PDE3B: variants seen among roughly 807,000 people sequenced by gnomAD.
PDE3B encodes phosphodiesterase 3B.
A neutral mutation model predicts 116.8 loss-of-function variants in PDE3B; 66 were observed. That is an observed-to-expected ratio of 0.56 (90% CI 0.46 to 0.69). PDE3B has a LOEUF of 0.69. Among genes scored for constraint, PDE3B ranks in the 30% least tolerant of loss-of-function variants. The pLI is 0.00. For synonymous variants in PDE3B, 595 were observed against 533.6 expected (o/e 1.12, Z -1.59); for missense variants, 1,384 against 1,368.1 (o/e 1.01, Z -0.18).
chr11:14,656,317 C>T (rs1853716000), intron 1 of PDE3B, among the ~76,000 whole-genome samples: 1 of 152,170 alleles, frequency 6.6e-6, no homozygotes, highest in Non-Finnish European at 1.5e-5. Flanking sequence ...GGGATGTAAA[C>T]TCCCTGAGTG....
intron 11 of PDE3B, among the ~76,000 whole-genome samples, chr11:14,836,285 T>C (rs1413805386): frequency 1.3e-5 from 2 of 152,184 alleles, no homozygotes; most frequent in Non-Finnish European, 2.9e-5. Context: ...TTTCACAGTT[T>C]TTGCTGACAA....
At chr11:14,718,034 T>A (rs1274232600) in intron 1 of PDE3B, among the ~76,000 whole-genome samples, 114 of 150,590 alleles carry the variant, frequency 7.6e-4, no homozygotes, top group African/African-American at 2.5e-3. Flanking sequence ...CCATCTCATG[T>A]GCAGAGACAC....
chr11:14,871,591 T>C lies in PDE3B; in HGVS notation c.*1931T>C, dbSNP rs572387986. The C allele has an allele frequency of 6.6e-6, 1 of 152,168 alleles. No individual in the cohort carries two copies. Among genetic ancestry groups the C allele is most frequent in the Non-Finnish European group, 1.5e-5 (1 of 68,018 alleles). The allele number at this position is 152,168 out of a possible 1,614,324, so 9.4% of individuals were successfully genotyped here. A position where few individuals can be genotyped will look rare whatever the true frequency, so the allele number is the denominator to read the frequency against. On this transcript the variant is annotated 3_prime_UTR_variant, in exon 16 of 16. Transcript: ENST00000282096. ...TTATATTGGGTTTCTTTAGTTTATGTTGTTTTCTCAAAAGCAGCATTTTAA... is the reference window on the plus strand; with the variant it reads ...TTATATTGGGTTTCTTTAGTTTATGCTGTTTTCTCAAAAGCAGCATTTTAA...
At chr11:14,712,154 T>C (rs1391738135) in intron 1 of PDE3B, among the ~76,000 whole-genome samples, 2 of 152,186 alleles carry the variant, frequency 1.3e-5, no homozygotes, top group Non-Finnish European at 2.9e-5. Flanking sequence ...AATGCGATCA[T>C]AGCTCACTGT....
At chr11:14,849,082 A>T (rs1231378010) in intron 12 of PDE3B, among the ~76,000 whole-genome samples, 1 of 152,022 alleles carries the variant, frequency 6.6e-6, no homozygotes, top group Non-Finnish European at 1.5e-5. Context: ...CCTGACTTCA[A>T]ACTATACTAC....
intron 1 of PDE3B, chr11:14,673,775 C>T: frequency 1.3e-6 from 1 of 786,900 alleles, no homozygotes; most frequent in Non-Finnish European, 2.3e-6. Flanking sequence ...GGAGATGTGG[C>T]ACTCCATACA....
At chr11:14,702,770 T>G (rs895056203) in intron 1 of PDE3B, among the ~76,000 whole-genome samples, 8 of 151,916 alleles carry the variant, frequency 5.3e-5, no homozygotes, top group African/African-American at 1.9e-4. Context: ...TTCAGTCCAG[T>G]CCAGTGCAGA....
intron 2 of PDE3B, among the ~76,000 whole-genome samples, chr11:14,786,210 A>G (rs1176877009): frequency 6.6e-6 from 1 of 152,094 alleles, no homozygotes; most frequent in South Asian, 2.1e-4. Context: ...TACAGACTTT[A>G]AAGTAAATAC....
At position 14,829,802 on chromosome 11, in the gene PDE3B, A is replaced by G. The variant is rs550698454; in HGVS notation, c.1808-896A>G. Among the ~76,000 whole-genome samples, 8 of 152,246 alleles carry G rather than the reference A, an allele frequency of 5.3e-5. No individual in the cohort carries two copies. The South Asian group carries it at 1.5e-3, about 28-fold the overall frequency. Reference sequence around the variant, plus strand: ...ACAACAAACTCCATGACACAAATTTACCTATATGACAAACCTGCACATGTA... The same window carrying G: ...ACAACAAACTCCATGACACAAATTTGCCTATATGACAAACCTGCACATGTA... On this transcript the variant is annotated intron_variant, in intron 7 of 15. Coordinates refer to ENST00000282096, the MANE Select transcript of PDE3B (RefSeq NM_000922.4).
chr11:14,735,927 CA>C (rs910557130), intron 1 of PDE3B, among the ~76,000 whole-genome samples: 6 of 150,670 alleles, frequency 4.0e-5, no homozygotes, highest in African/African-American at 1.5e-4. Context: ...AGAGTCCTCA[CA>C]AAAAATCTGG....
intron 1 of PDE3B, among the ~76,000 whole-genome samples, chr11:14,658,018 A>G (rs1392088277): frequency 6.6e-6 from 1 of 152,342 alleles, no homozygotes; most frequent in East Asian, 1.9e-4. Flanking sequence ...TAGGACCAGG[A>G]ACATTTTCCC....
intron 12 of PDE3B, among the ~76,000 whole-genome samples, chr11:14,852,743 TTTC>T (rs545142289): frequency 2.0e-5 from 3 of 152,226 alleles, no homozygotes; most frequent in African/African-American, 7.2e-5. Context: ...TGTGACCCTG[TTTC>T]AGTGTGTTGC....
rs886375971 is a variant in PDE3B, at chr11:14,643,876, TCTC to T, written c.-196_-194del. 5.7e-6 allele frequency: 4 copies of T among 703,354 alleles called. No individual in the cohort carries two copies. The African/African-American group carries it at 7.6e-5, about 13-fold the overall frequency. The allele number at this position is 703,354 out of a possible 1,614,324, so 43.6% of individuals were successfully genotyped here. A position where few individuals can be genotyped will look rare whatever the true frequency, so the allele number is the denominator to read the frequency against. The stretch of plus-strand genomic sequence containing the variant: ...CCTGGAGAGAAGCCCCTTCCGCCCC[TCTC>T]CTCAGCCAGCATGTCCCGGACTCCG... On this transcript the variant is annotated 5_prime_UTR_variant, in exon 1 of 16. Transcript: ENST00000282096.
chr11:14,743,944 A>G (rs1466989862), intron 1 of PDE3B, among the ~76,000 whole-genome samples: 2 of 152,190 alleles, frequency 1.3e-5, no homozygotes, highest in East Asian at 1.9e-4. Flanking sequence ...TTGGAAATAC[A>G]GAAATCACTC....
chr11:14,781,348 G>C (rs1162506827), intron 2 of PDE3B, among the ~76,000 whole-genome samples: 2 of 152,176 alleles, frequency 1.3e-5, no homozygotes, highest in Non-Finnish European at 2.9e-5. Context: ...AAGCCTGCCA[G>C]AGACACAACA....
chr11:14,649,437 G>T (rs1853501750), intron 1 of PDE3B, among the ~76,000 whole-genome samples: 1 of 152,186 alleles, frequency 6.6e-6, no homozygotes, highest in Non-Finnish European at 1.5e-5. Flanking sequence ...CTGGCTGAGG[G>T]TTATTCTGTG....
chr11:14,868,292 G>A (rs1433141948), intron 15 of PDE3B, among the ~76,000 whole-genome samples: 8 of 152,148 alleles, frequency 5.3e-5, no homozygotes, highest in Non-Finnish European at 8.8e-5. Flanking sequence ...TATGTGAGGT[G>A]GATCCTCATG....
intron 4 of PDE3B, among the ~76,000 whole-genome samples, chr11:14,798,914 TTC>T: frequency 6.6e-6 from 1 of 152,348 alleles, no homozygotes; most frequent in East Asian, 1.9e-4. Flanking sequence ...TGAAGGGTTT[TTC>T]GTGTCTCTAT....
At chr11:14,778,364 C>T (rs1036382234) in intron 2 of PDE3B, among the ~76,000 whole-genome samples, 8 of 152,226 alleles carry the variant, frequency 5.3e-5, no homozygotes, top group Non-Finnish European at 1.2e-4. Context: ...GACAGACTGC[C>T]TCCTCAAGAG....
Sources: gnomAD v4.1 joint callset for allele counts (sites outside exome capture counted in the v4.1 genomes callset) on GRCh38, gnomAD v4.1.1 for gene constraint, MANE v1.5 for transcripts, NCBI Gene and HGNC (gene_info 2026-07-23, HGNC 2026-07-21) for gene names.